The following UST variants were observed in gnomAD, a reference collection of about 807,000 sequenced individuals.
The protein encoded by UST is uronyl 2-sulfotransferase.
UST carries 21 observed loss-of-function variants against 45.6 expected under a neutral mutation model. The observed-to-expected ratio is 0.46, with a 90% CI of 0.33 to 0.66. The LOEUF (loss-of-function observed/expected upper bound fraction) is 0.66, where lower values mean the gene tolerates loss of function less well. UST is among the 30% of genes least tolerant of loss of function. UST has a pLI of 0.02. For synonymous variants in UST, 215 were observed against 200.6 expected, an observed-to-expected ratio of 1.07 and a Z score of -0.61; for missense variants, 463 against 512.4, an observed-to-expected ratio of 0.90 and a Z score of 0.93.
At position 149,076,163 on chromosome 6, in the gene UST, G is replaced by A. The variant is rs1330346898; in HGVS notation, c.*2047G>A. ...GGAAATATCCTTTGTCCTGTTCAGA[G>A]AGACCAGGGCCCTACCATTAGGCAT... On this transcript the variant is annotated 3_prime_UTR_variant, in exon 8 of 8. Transcript: ENST00000367463. 1 of 152,240 alleles carries A rather than the reference G, an allele frequency of 6.6e-6. No individual in the cohort carries two copies. The highest frequency in any genetic ancestry group is 2.4e-5 in the African/African-American group (1 of 41,456). 9.4% of individuals were successfully genotyped at this position (152,240 alleles called of 1,614,324 possible).
At chr6:148,967,107 T>C (rs1361896728) in intron 5 of UST, among the ~76,000 whole-genome samples, 1 of 152,202 alleles carries the variant, frequency 6.6e-6, no homozygotes, top group African/African-American at 2.4e-5. Context: ...GTTATATTTT[T>C]GAAGAGCTGG....
At chr6:149,061,223 C>A (rs989057089) in intron 7 of UST, among the ~76,000 whole-genome samples, 2 of 152,092 alleles carry the variant, frequency 1.3e-5, no homozygotes, top group Non-Finnish European at 2.9e-5. Context: ...AGAGCCAGGG[C>A]TACATCGTTT....
chr6:148,765,220 G>T (rs1053440697), intron 1 of UST, among the ~76,000 whole-genome samples: 3 of 152,104 alleles, frequency 2.0e-5, no homozygotes, highest in Non-Finnish European at 2.9e-5. Flanking sequence ...ATTGAATAGG[G>T]TATCCTTTCC....
intron 7 of UST, among the ~76,000 whole-genome samples, chr6:149,043,041 C>G (rs1198242268): frequency 1.5e-5 from 2 of 133,860 alleles, no homozygotes; most frequent in Admixed American, 7.3e-5. Flanking sequence ...TTCTTTCTTT[C>G]TTTCCTTCTT....
At chr6:148,763,518 T>A (rs1340023550) in intron 1 of UST, among the ~76,000 whole-genome samples, 4 of 152,158 alleles carry the variant, frequency 2.6e-5, no homozygotes, top group African/African-American at 9.7e-5. Flanking sequence ...TTTAATTAAG[T>A]CCCTTTTGTT....
At chr6:148,899,060 C>G (rs908924737) in intron 2 of UST, among the ~76,000 whole-genome samples, 1 of 149,728 alleles carries the variant, frequency 6.7e-6, no homozygotes, top group Admixed American at 6.7e-5. Context: ...ATCATCTTAG[C>G]AGCTCCCAAT....
At chr6:148,982,052 C>G (rs1198112432) in intron 5 of UST, among the ~76,000 whole-genome samples, 1 of 151,442 alleles carries the variant, frequency 6.6e-6, no homozygotes. Context: ...TGTCTTCACA[C>G]TGAAAAAGGC....
chr6:148,747,376 G>A lies in UST; in HGVS notation c.-55G>A. ...CCAGCCGGGCTCTCCTCCTCGCGGCGGATGGGTGACCTTTTCCTGGCACGG... is the reference window on the plus strand; with the variant it reads ...CCAGCCGGGCTCTCCTCCTCGCGGCAGATGGGTGACCTTTTCCTGGCACGG... On this transcript the variant is annotated 5_prime_UTR_variant, in exon 1 of 8. Coordinates refer to ENST00000367463, the MANE Select transcript of UST (RefSeq NM_005715.3). The A allele has an allele frequency of 1.5e-6, 2 of 1,360,168 alleles. No individual in the cohort carries two copies. Among genetic ancestry groups the A allele is most frequent in the Non-Finnish European group, 1.9e-6 (2 of 1,050,750 alleles). The allele number at this position is 1,360,168 out of a possible 1,614,324, so 84.3% of individuals were successfully genotyped here.
At chr6:148,937,057 T>TCCAA (rs1283000461) in intron 2 of UST, among the ~76,000 whole-genome samples, 1 of 150,574 alleles carries the variant, frequency 6.6e-6, no homozygotes, top group South Asian at 2.1e-4. Flanking sequence ...TAACACTGTA[T>TCCAA]CCAACATCTA....
intron 2 of UST, among the ~76,000 whole-genome samples, chr6:148,898,061 A>G (rs1779171351): frequency 6.6e-6 from 1 of 152,212 alleles, no homozygotes; most frequent in South Asian, 2.1e-4. Flanking sequence ...ATTTTATGGA[A>G]GAATCAATTG....
chr6:148,921,644 C>T (rs1213917428), intron 2 of UST, among the ~76,000 whole-genome samples: 3 of 152,160 alleles, frequency 2.0e-5, no homozygotes, highest in Admixed American at 2.0e-4. Context: ...GAGGAGAGAC[C>T]CACCAAGCTT....
At chr6:148,800,442 G>T (rs891925698) in intron 1 of UST, among the ~76,000 whole-genome samples, 2 of 152,082 alleles carry the variant, frequency 1.3e-5, no homozygotes, top group African/African-American at 4.8e-5. Context: ...TTTTATGCAG[G>T]AAAAGAACTT....
chr6:148,939,400 T>G (rs1022944116), intron 2 of UST, among the ~76,000 whole-genome samples: 1 of 152,174 alleles, frequency 6.6e-6, no homozygotes. Flanking sequence ...AAAACAATCT[T>G]GAAAAGGAAG....
intron 1 of UST, among the ~76,000 whole-genome samples, chr6:148,804,159 C>T (rs1301587570): frequency 2.0e-5 from 3 of 152,176 alleles, no homozygotes; most frequent in South Asian, 2.1e-4. Flanking sequence ...CAACTCAGGA[C>T]GTGGCTTGTA....
intron 1 of UST, among the ~76,000 whole-genome samples, chr6:148,828,095 A>C (rs1375273353): frequency 1.3e-5 from 2 of 152,112 alleles, no homozygotes; most frequent in Admixed American, 1.3e-4. Context: ...ATTTGACAGA[A>C]GTCAAATATG....
intron 1 of UST, among the ~76,000 whole-genome samples, chr6:148,818,028 C>T (rs1018844901): frequency 2.0e-5 from 3 of 152,174 alleles, no homozygotes; most frequent in Non-Finnish European, 4.4e-5. Context: ...AGTTTGCCAA[C>T]CACCTGCTAA....
intron 1 of UST, among the ~76,000 whole-genome samples, chr6:148,857,312 A>G (rs1385256947): frequency 6.6e-6 from 1 of 152,194 alleles, no homozygotes; most frequent in Admixed American, 6.5e-5. Context: ...TCTCATGACT[A>G]TACGGTTTCC....
intron 1 of UST, among the ~76,000 whole-genome samples, chr6:148,879,180 C>CT (rs1431622378): frequency 6.6e-6 from 1 of 152,150 alleles, no homozygotes; most frequent in East Asian, 1.9e-4. Context: ...AGGCCTGGCC[C>CT]TTTACAATTT....
At chr6:149,032,291 C>A (rs1034481062) in intron 7 of UST, among the ~76,000 whole-genome samples, 3 of 152,186 alleles carry the variant, frequency 2.0e-5, no homozygotes, top group African/African-American at 7.2e-5. Flanking sequence ...GGCAGGGATC[C>A]TCCCAGGCCC....
Sources: gnomAD v4.1 joint callset for allele counts (sites outside exome capture counted in the v4.1 genomes callset) on GRCh38, gnomAD v4.1.1 for gene constraint, MANE v1.5 for transcripts, NCBI Gene and HGNC (gene_info 2026-07-23, HGNC 2026-07-21) for gene names.